The following MDGA2 variants were observed in gnomAD, a reference collection of about 807,000 sequenced individuals.
MDGA2 encodes the protein MAM domain containing glycosylphosphatidylinositol anchor 2.
MDGA2 carries 40 observed loss-of-function variants against 117.8 expected under a neutral mutation model. The observed-to-expected ratio is 0.34, with a 90% CI of 0.26 to 0.44. MDGA2 has a LOEUF of 0.44. MDGA2 is among the 20% of genes least tolerant of loss of function. The pLI is 1.00. For missense variants in MDGA2, 1,123 were observed against 1,250.6 expected, an observed-to-expected ratio of 0.90 and a Z score of 1.54; for synonymous variants, 452 against 439.0, an observed-to-expected ratio of 1.03 and a Z score of -0.37.
intron 10 of MDGA2, among the ~76,000 whole-genome samples, chr14:46,917,029 A>G (rs1316315856): frequency 2.0e-5 from 3 of 151,930 alleles, no homozygotes; most frequent in Non-Finnish European, 2.9e-5. Flanking sequence ...AATAGCATGC[A>G]TCTTACAAAA....
chr14:47,313,075 TA>T (rs1889695492), intron 1 of MDGA2, among the ~76,000 whole-genome samples: 1 of 151,952 alleles, frequency 6.6e-6, no homozygotes, highest in Non-Finnish European at 1.5e-5. Flanking sequence ...AATGTAAAAT[TA>T]TTTTGCTTAG....
At chr14:46,929,628 TATATATATATATATATATAC>T (rs1566530308) in intron 9 of MDGA2, among the ~76,000 whole-genome samples, 3 of 32,716 alleles carry the variant, frequency 9.2e-5, no homozygotes, top group Non-Finnish European at 1.3e-4. Flanking sequence ...TATATATATA[TATATATATATATATATATAC>T]ATTTTTTTTT....
chr14:47,339,926 C>T (rs1890570781), intron 1 of MDGA2, among the ~76,000 whole-genome samples: 2 of 152,096 alleles, frequency 1.3e-5, no homozygotes, highest in Admixed American at 1.3e-4. Flanking sequence ...CAGGTGTTTT[C>T]CCTAGTAATG....
intron 3 of MDGA2, among the ~76,000 whole-genome samples, chr14:47,187,058 A>C (rs1340844970): frequency 6.6e-6 from 1 of 151,994 alleles, no homozygotes; most frequent in African/African-American, 2.4e-5. Flanking sequence ...TTAAAATGTA[A>C]ATAGTTAGCC....
rs547483694 is a variant in MDGA2, at chr14:46,894,406, G to T, written c.2239-12185C>A. Among the ~76,000 whole-genome samples, 5 of 151,376 alleles carry T rather than the reference G, an allele frequency of 3.3e-5. No individual in the cohort carries two copies. The South Asian group carries it at 1.0e-3, about 31-fold the overall frequency. On this transcript the variant is annotated intron_variant, in intron 10 of 16. Transcript: ENST00000399232. Reference sequence around the variant, plus strand: ...TGTGTGCTTTATTTACATTCCTTTAGAAATTTATAAATTTTTTTTTCACCA... The same window carrying T: ...TGTGTGCTTTATTTACATTCCTTTATAAATTTATAAATTTTTTTTTCACCA...
intron 9 of MDGA2, among the ~76,000 whole-genome samples, chr14:46,935,542 T>C (rs899298322): frequency 6.6e-6 from 1 of 152,212 alleles, no homozygotes; most frequent in Non-Finnish European, 1.5e-5. Flanking sequence ...GATTATTTAT[T>C]AGAACCCACA....
chr14:47,205,946 G>T (rs17118156), intron 3 of MDGA2, among the ~76,000 whole-genome samples: 2 of 151,966 alleles, frequency 1.3e-5, no homozygotes, highest in East Asian at 3.9e-4. Flanking sequence ...AATGAATACT[G>T]AATGCTTCAC....
At chr14:47,298,718 T>A (rs1471790247) in intron 2 of MDGA2, among the ~76,000 whole-genome samples, 4 of 149,864 alleles carry the variant, frequency 2.7e-5, no homozygotes, top group African/African-American at 9.8e-5. Flanking sequence ...AGAGTCTCGT[T>A]CTGTCGCCCA....
intron 9 of MDGA2, among the ~76,000 whole-genome samples, chr14:46,930,231 A>G (rs1390265728): frequency 1.3e-5 from 2 of 152,246 alleles, no homozygotes; most frequent in African/African-American, 4.8e-5. Context: ...TTTGTCTCCC[A>G]CAGATAGATA....
chr14:47,449,830 A>G (rs1408259409), intron 1 of MDGA2, among the ~76,000 whole-genome samples: 4 of 152,160 alleles, frequency 2.6e-5, no homozygotes, highest in Non-Finnish European at 4.4e-5. Context: ...AAAAACAAAA[A>G]CAAAAACAAA....
chr14:46,924,905 T>G (rs1407861222), intron 9 of MDGA2, among the ~76,000 whole-genome samples: 1 of 151,814 alleles, frequency 6.6e-6, no homozygotes, highest in Non-Finnish European at 1.5e-5. Context: ...AAAAATAGAG[T>G]GCTGTTGGTC....
Position 47,462,273 on chromosome 14 carries a change from G to A in MDGA2, c.281-160723C>T, listed in dbSNP as rs139913077. On this transcript the variant is annotated intron_variant, in intron 1 of 16. Coordinates refer to ENST00000399232, the MANE Select transcript of MDGA2 (RefSeq NM_001113498.3). ...CGCCTGTAGTCCCAGGGACTCGGGA[G>A]GCTGAGGCAGGAGAATGATGGGAAC... 0.011 allele frequency among the ~76,000 whole-genome samples: 1,457 copies of A among 133,638 alleles called. 33 individuals carry two copies. In the East Asian group the frequency reaches 0.11, roughly 10 times the overall value. The allele number at this position is 133,638 out of a possible 152,430, so 87.7% of individuals were successfully genotyped here.
chr14:47,275,645 GA>G (rs1016437858), intron 2 of MDGA2, among the ~76,000 whole-genome samples: 1 of 152,110 alleles, frequency 6.6e-6, no homozygotes, highest in African/African-American at 2.4e-5. Flanking sequence ...AAAAAAGGGG[GA>G]AACATTTAAT....
chr14:47,208,702 A>T (rs1312853018), intron 3 of MDGA2, among the ~76,000 whole-genome samples: 1 of 151,916 alleles, frequency 6.6e-6, no homozygotes, highest in Non-Finnish European at 1.5e-5. Flanking sequence ...CCTGCCACAT[A>T]ACCTTTGGCT....
chr14:47,179,190 T>C (rs1594700307), intron 3 of MDGA2, among the ~76,000 whole-genome samples: 1 of 151,940 alleles, frequency 6.6e-6, no homozygotes, highest in East Asian at 1.9e-4. Flanking sequence ...ATAATAATAA[T>C]TAAATAATAA....
At chr14:47,030,849 G>C (rs990327240) in intron 8 of MDGA2, among the ~76,000 whole-genome samples, 1 of 151,888 alleles carries the variant, frequency 6.6e-6, no homozygotes, top group Non-Finnish European at 1.5e-5. Context: ...TCATACTCTG[G>C]TCCATAATCT....
intron 3 of MDGA2, among the ~76,000 whole-genome samples, chr14:47,150,681 T>C (rs1024864622): frequency 6.6e-6 from 1 of 152,194 alleles, no homozygotes; most frequent in African/African-American, 2.4e-5. Flanking sequence ...CCTAGCACTT[T>C]GGAAGGCCAA....
At chr14:47,054,584 C>T (rs372431464) in intron 7 of MDGA2, among the ~76,000 whole-genome samples, 1 of 149,638 alleles carries the variant, frequency 6.7e-6, no homozygotes, top group African/African-American at 2.5e-5. Context: ...TTTGTCCTTG[C>T]GATAGTTTGC....
chr14:47,613,475 T>TCACACA (rs879927071), intron 1 of MDGA2, among the ~76,000 whole-genome samples: 2 of 109,006 alleles, frequency 1.8e-5, no homozygotes, highest in South Asian at 4.4e-4. Flanking sequence ...TCTCTCTCTC[T>TCACACA]CTCTCACACA....
Sources: gnomAD v4.1 joint callset for allele counts (sites outside exome capture counted in the v4.1 genomes callset) on GRCh38, gnomAD v4.1.1 for gene constraint, MANE v1.5 for transcripts, NCBI Gene and HGNC (gene_info 2026-07-23, HGNC 2026-07-21) for gene names.